The following UBE4B variants were observed in gnomAD, a reference collection of about 807,000 sequenced individuals.
UBE4B encodes the protein ubiquitination factor E4B.
A neutral mutation model predicts 148.1 loss-of-function variants in UBE4B; 27 were observed. The ratio of observed to expected loss-of-function variants is 0.18; its 90% CI spans 0.13 to 0.25. The LOEUF is 0.25. Among genes scored for constraint, UBE4B ranks in the 10% least tolerant of loss-of-function variants. UBE4B has a pLI of 1.00. For missense variants in UBE4B, 1,170 were observed against 1,662.4 expected, an observed-to-expected ratio of 0.70 and a Z score of 5.15; for synonymous variants, 596 against 619.3, an observed-to-expected ratio of 0.96 and a Z score of 0.56.
rs534999136 is a variant in UBE4B, at chr1:10,130,958, G to A, written c.1911+145G>A. ...CTTACATAAAAAAGATAAACTATAA[G>A]TAAGTAGCCTGTGTCTTGAATAACA... On this transcript the variant is annotated intron_variant, in intron 14 of 27. Transcript: ENST00000343090. The A allele has an allele frequency of 1.5e-4, 100 of 680,270 alleles. No individual in the cohort carries two copies. In the African/African-American group the frequency reaches 1.7e-3, roughly 11 times the overall value. The allele number at this position is 680,270 out of a possible 1,614,324, so 42.1% of individuals were successfully genotyped here. A position where few individuals can be genotyped will look rare whatever the true frequency, so the allele number is the denominator to read the frequency against.
At chr1:10,131,196 G>A (rs1645586648) in intron 14 of UBE4B, among the ~76,000 whole-genome samples, 1 of 152,248 alleles carries the variant, frequency 6.6e-6, no homozygotes, top group Admixed American at 6.5e-5. Flanking sequence ...GCAGAGAAGG[G>A]CCGGGTGTGA....
chr1:10,133,864 A>G (rs1239334293), intron 15 of UBE4B, among the ~76,000 whole-genome samples: 1 of 152,186 alleles, frequency 6.6e-6, no homozygotes, highest in East Asian at 1.9e-4. Context: ...AGCCTGGGCA[A>G]CATAGGGAGA....
At chr1:10,167,699 TCTC>T (rs1329716409) in intron 23 of UBE4B, among the ~76,000 whole-genome samples, 2 of 151,142 alleles carry the variant, frequency 1.3e-5, no homozygotes, top group African/African-American at 2.4e-5. Flanking sequence ...TTCAAGCAGT[TCTC>T]CTGCCTCAGC....
chr1:10,054,534 G>A, intron 1 of UBE4B: 1 of 340,358 alleles, frequency 2.9e-6, no homozygotes, highest in Non-Finnish European at 5.7e-6. Context: ...TTTCTCTTTG[G>A]CTTTCTTCTT....
intron 7 of UBE4B, among the ~76,000 whole-genome samples, chr1:10,108,246 C>T (rs1386358458): frequency 6.6e-6 from 1 of 150,736 alleles, no homozygotes; most frequent in East Asian, 2.0e-4. Flanking sequence ...CTGGGCAATC[C>T]ATCGAAGAAC....
intron 2 of UBE4B, among the ~76,000 whole-genome samples, chr1:10,077,475 C>G (rs1226746805): frequency 6.6e-6 from 1 of 152,190 alleles, no homozygotes; most frequent in Non-Finnish European, 1.5e-5. Flanking sequence ...TCTGCATCTC[C>G]TCTTCCCTTT....
Position 10,085,353 on chromosome 1 carries a change from C to T in UBE4B, c.212-10108C>T, listed in dbSNP as rs544001181. Among the ~76,000 whole-genome samples, 10 of 152,326 alleles carry T rather than the reference C, an allele frequency of 6.6e-5. 1 individual carries two copies. The highest frequency in any genetic ancestry group is 2.6e-4 in the Admixed American group (4 of 15,290). On this transcript the variant is annotated intron_variant, in intron 2 of 27. Transcript: ENST00000343090. Reference sequence around the variant, plus strand: ...AGCTTGTCACCTCGTGGCCTCAGGCCTCTTGACTTCAGGCGGTTCTGTTTA... The same window carrying T: ...AGCTTGTCACCTCGTGGCCTCAGGCTTCTTGACTTCAGGCGGTTCTGTTTA...
At chr1:10,037,059 C>G (rs2101763292) in intron 1 of UBE4B, among the ~76,000 whole-genome samples, 1 of 152,258 alleles carries the variant, frequency 6.6e-6, no homozygotes, top group South Asian at 2.1e-4. Context: ...CAGAGTTTCG[C>G]TCTTGTTGCC....
At chr1:10,165,782 A>C (rs1302330345) in intron 23 of UBE4B, among the ~76,000 whole-genome samples, 1 of 152,074 alleles carries the variant, frequency 6.6e-6, no homozygotes, top group Non-Finnish European at 1.5e-5. Context: ...CCTTTCCAGA[A>C]TAGCATTCCC....
intron 21 of UBE4B, among the ~76,000 whole-genome samples, chr1:10,152,594 T>C (rs938891206): frequency 1.3e-5 from 2 of 151,752 alleles, no homozygotes; most frequent in Non-Finnish European, 2.9e-5. Flanking sequence ...GATCAGGAAT[T>C]TGTGACCAGC....
chr1:10,167,524 C>G, intron 23 of UBE4B, among the ~76,000 whole-genome samples: 1 of 150,718 alleles, frequency 6.6e-6, no homozygotes, highest in East Asian at 1.9e-4. Flanking sequence ...TTTCTTAGTG[C>G]CATGATGTGT....
intron 1 of UBE4B, among the ~76,000 whole-genome samples, chr1:10,047,002 C>T (rs973411129): frequency 6.6e-6 from 1 of 152,162 alleles, no homozygotes; most frequent in African/African-American, 2.4e-5. Context: ...AATTACAGGC[C>T]ATGTTGGCAT....
At chr1:10,077,195 G>T (rs1570836532) in intron 2 of UBE4B, among the ~76,000 whole-genome samples, 1 of 152,098 alleles carries the variant, frequency 6.6e-6, no homozygotes, top group African/African-American at 2.4e-5. Flanking sequence ...TTGGTAGGGC[G>T]ATGCCTCCCA....
Position 10,137,182 on chromosome 1 carries a change from C to G in UBE4B, c.2340C>G (p.Leu780=). 2.5e-6 allele frequency: 4 copies of G among 1,614,126 alleles called. No homozygotes were observed. The highest frequency in any genetic ancestry group is 1.3e-5 in the African/African-American group (1 of 75,034). Residue 780 remains leucine, a synonymous_variant, in exon 17 of 28, where the codon CTC becomes CTG. Transcript: ENST00000343090. ...GTTGCCGTCGCTATATCCGCAGACT[C>G]CGGGCTATCCGGGAGCTCAATAGGT... is the stretch of plus-strand genomic sequence containing the variant. ...LPSCRRYIRR[L]RAIRELNRTV...
rs200525963 is a variant in UBE4B, at chr1:10,080,003, G to GA, written c.211+7791dup. 5.0e-3 allele frequency among the ~76,000 whole-genome samples: 754 copies of GA among 152,260 alleles called. 10 individuals carry two copies. The highest frequency in any genetic ancestry group is 0.017 in the African/African-American group (726 of 41,550). ...GTTTAGCATGAGGGCATGAACTTGT[G>GA]AAGAGGTGCAGATGCTGGTGTCCTG... On this transcript the variant is annotated intron_variant, in intron 2 of 27. Coordinates refer to ENST00000343090, the MANE Select transcript of UBE4B (RefSeq NM_001105562.3).
intron 7 of UBE4B, among the ~76,000 whole-genome samples, chr1:10,114,945 C>T (rs191848435): frequency 1.2e-4 from 18 of 152,166 alleles, no homozygotes; most frequent in African/African-American, 3.9e-4. Flanking sequence ...ATGACTCTGG[C>T]GAGGGCTTTG....
At chr1:10,118,021 T>A (rs962682737) in intron 8 of UBE4B, among the ~76,000 whole-genome samples, 1 of 152,210 alleles carries the variant, frequency 6.6e-6, no homozygotes, top group African/African-American at 2.4e-5. Flanking sequence ...GAACCCGGTA[T>A]AACATAGGCA....
At chr1:10,094,006 T>A (rs1335421790) in intron 2 of UBE4B, among the ~76,000 whole-genome samples, 2 of 152,190 alleles carry the variant, frequency 1.3e-5, no homozygotes, top group Non-Finnish European at 2.9e-5. Context: ...ATGGTTTTTT[T>A]AAACATGTGT....
chr1:10,085,958 T>C (rs1644758634), intron 2 of UBE4B, among the ~76,000 whole-genome samples: 1 of 151,718 alleles, frequency 6.6e-6, no homozygotes, highest in Non-Finnish European at 1.5e-5. Flanking sequence ...CCCAGCTAAT[T>C]TTTTTTATTT....
Sources: gnomAD v4.1 joint callset for allele counts (sites outside exome capture counted in the v4.1 genomes callset) on GRCh38, gnomAD v4.1.1 for gene constraint, MANE v1.5 for transcripts, NCBI Gene and HGNC (gene_info 2026-07-23, HGNC 2026-07-21) for gene names.